The following SETBP1 variants were observed in gnomAD, a reference collection of about 807,000 sequenced individuals.
The protein encoded by SETBP1 is SET binding protein 1.
Under a neutral mutation model 101.0 loss-of-function variants are expected in SETBP1, and 9 were observed. That is an observed-to-expected ratio of 0.09 (90% CI 0.05 to 0.16). SETBP1 has a LOEUF of 0.16. SETBP1 is among the 10% of genes least tolerant of loss of function. SETBP1 has a pLI of 1.00. For missense variants in SETBP1, 1,858 were observed against 2,033.8 expected, an observed-to-expected ratio of 0.91 and a Z score of 1.66; for synonymous variants, 818 against 788.5, an observed-to-expected ratio of 1.04 and a Z score of -0.63.
chr18:45,033,403 C>T (rs960830011), intron 4 of SETBP1, among the ~76,000 whole-genome samples: 2 of 152,168 alleles, frequency 1.3e-5, no homozygotes, highest in African/African-American at 2.4e-5. Context: ...TTACCATTTG[C>T]CTCTTGTCCT....
intron 2 of SETBP1, among the ~76,000 whole-genome samples, chr18:44,716,353 GA>G (rs2069464197): frequency 6.6e-6 from 1 of 152,056 alleles, no homozygotes; most frequent in African/African-American, 2.4e-5. Flanking sequence ...AAAAAATAGG[GA>G]AAAAATTAAA....
intron 4 of SETBP1, among the ~76,000 whole-genome samples, chr18:45,019,432 T>G (rs1465965687): frequency 1.3e-5 from 2 of 152,240 alleles, no homozygotes; most frequent in African/African-American, 4.8e-5. Context: ...CTAATTAACA[T>G]ACATTGACTC....
At chr18:44,983,538 C>A (rs1345201342) in intron 4 of SETBP1, among the ~76,000 whole-genome samples, 1 of 152,188 alleles carries the variant, frequency 6.6e-6, no homozygotes, top group Admixed American at 6.5e-5. Flanking sequence ...GCCCATACTC[C>A]TAACCACTGT....
intron 3 of SETBP1, among the ~76,000 whole-genome samples, chr18:44,929,201 C>A (rs1324938173): frequency 6.6e-6 from 1 of 152,118 alleles, no homozygotes; most frequent in Non-Finnish European, 1.5e-5. Context: ...AATCCTTTCC[C>A]CATTTCTTGT....
At chr18:44,705,432 G>C (rs1415800672) in intron 2 of SETBP1, among the ~76,000 whole-genome samples, 1 of 152,154 alleles carries the variant, frequency 6.6e-6, no homozygotes, top group Non-Finnish European at 1.5e-5. Flanking sequence ...TAAGGACATA[G>C]AGTTTCAGGA....
At chr18:44,974,112 T>A (rs1331644921) in intron 4 of SETBP1, among the ~76,000 whole-genome samples, 5 of 152,250 alleles carry the variant, frequency 3.3e-5, no homozygotes, top group Non-Finnish European at 7.3e-5. Flanking sequence ...GATTAGATTG[T>A]ATGAATATAA....
intron 3 of SETBP1, among the ~76,000 whole-genome samples, chr18:44,936,657 A>T (rs1322576627): frequency 6.6e-6 from 1 of 152,176 alleles, no homozygotes; most frequent in Non-Finnish European, 1.5e-5. Context: ...TCTCAGTTGC[A>T]GTGACCTGGT....
At chr18:44,808,418 G>A (rs2071792865) in intron 2 of SETBP1, among the ~76,000 whole-genome samples, 1 of 152,220 alleles carries the variant, frequency 6.6e-6, no homozygotes, top group African/African-American at 2.4e-5. Context: ...AGCTTCATTT[G>A]AAGCCATCAT....
At chr18:44,966,784 A>G (rs1168089638) in intron 4 of SETBP1, among the ~76,000 whole-genome samples, 3 of 152,220 alleles carry the variant, frequency 2.0e-5, no homozygotes, top group Admixed American at 6.5e-5. Context: ...ACTCAGATCT[A>G]GATTTGGATG....
At chr18:44,773,818 CTCTCTG>C (rs1281590504) in intron 2 of SETBP1, among the ~76,000 whole-genome samples, 50 of 124,710 alleles carry the variant, frequency 4.0e-4, no homozygotes, top group African/African-American at 1.4e-3. Context: ...CTCTCTCTCT[CTCTCTG>C]TCTCTCTCTG....
At chr18:44,827,152 G>T (rs1033206619) in intron 2 of SETBP1, among the ~76,000 whole-genome samples, 6 of 152,090 alleles carry the variant, frequency 3.9e-5, no homozygotes, top group Non-Finnish European at 1.5e-5. Flanking sequence ...TCTTTTTAAA[G>T]AAAAGAAACT....
intron 2 of SETBP1, among the ~76,000 whole-genome samples, chr18:44,769,237 T>C (rs1219489607): frequency 6.6e-6 from 1 of 152,234 alleles, no homozygotes; most frequent in East Asian, 1.9e-4. Context: ...ATGTCCCTTT[T>C]TACGTCTTGA....
intron 2 of SETBP1, among the ~76,000 whole-genome samples, chr18:44,753,703 G>A (rs1212763072): frequency 6.6e-6 from 1 of 152,222 alleles, no homozygotes; most frequent in Non-Finnish European, 1.5e-5. Context: ...TGTTGACATG[G>A]GTGGAAATCA....
chr18:44,792,966 T>A (rs2071398589), intron 2 of SETBP1, among the ~76,000 whole-genome samples: 1 of 152,202 alleles, frequency 6.6e-6, no homozygotes, highest in African/African-American at 2.4e-5. Context: ...GCTTTGAGAA[T>A]GCAAGAGCCT....
At chr18:44,990,093 G>C (rs556204836) in intron 4 of SETBP1, among the ~76,000 whole-genome samples, 4 of 151,828 alleles carry the variant, frequency 2.6e-5, no homozygotes, top group Non-Finnish European at 5.9e-5. Flanking sequence ...GAAACATCCA[G>C]AGCAATATCA....
At chr18:44,826,026 C>T (rs1387564604) in intron 2 of SETBP1, among the ~76,000 whole-genome samples, 1 of 152,174 alleles carries the variant, frequency 6.6e-6, no homozygotes, top group African/African-American at 2.4e-5. Flanking sequence ...TGCATAATAC[C>T]TGGAATTTAG....
At chr18:45,004,425 C>T (rs1162499668) in intron 4 of SETBP1, among the ~76,000 whole-genome samples, 1 of 152,160 alleles carries the variant, frequency 6.6e-6, no homozygotes, top group Non-Finnish European at 1.5e-5. Context: ...TCTCTACTGT[C>T]CAAGTTTATG....
chr18:44,769,107 T>C (rs547280090), intron 2 of SETBP1, among the ~76,000 whole-genome samples: 1 of 152,328 alleles, frequency 6.6e-6, no homozygotes, highest in South Asian at 2.1e-4. Context: ...GAGAGGGTGC[T>C]GGGGCTTGCT....
intron 5 of SETBP1, among the ~76,000 whole-genome samples, chr18:45,056,748 A>G (rs1345609675): frequency 1.3e-5 from 2 of 152,172 alleles, no homozygotes; most frequent in African/African-American, 4.8e-5. Context: ...GGCCTAGCCC[A>G]CTTCAGAGCT....
Sources: allele counts gnomAD v4.1 joint callset (sites outside exome capture counted in the v4.1 genomes callset), GRCh38; gene constraint gnomAD v4.1.1; transcripts MANE v1.5; gene names NCBI Gene and HGNC (gene_info 2026-07-23, HGNC 2026-07-21).